The following FBXL7 variants were observed in gnomAD, a reference collection of about 807,000 sequenced individuals.
The protein encoded by FBXL7 is F-box and leucine rich repeat protein 7.
FBXL7 carries 12 observed loss-of-function variants against 38.3 expected under a neutral mutation model. The observed-to-expected ratio is 0.31, with a 90% CI of 0.20 to 0.51. The LOEUF (loss-of-function observed/expected upper bound fraction) is 0.51. FBXL7 is among the 20% of genes least tolerant of loss of function. FBXL7 has a pLI of 0.98. For synonymous variants in FBXL7, 297 were observed against 300.9 expected (o/e 0.99, Z 0.13); for missense variants, 567 against 676.4 (o/e 0.84, Z 1.79).
At chr5:15,794,799 G>A (rs1737372215) in intron 2 of FBXL7, among the ~76,000 whole-genome samples, 1 of 152,126 alleles carries the variant, frequency 6.6e-6, no homozygotes, top group South Asian at 2.1e-4. Context: ...CAACAAAAAA[G>A]CTATTGTTTG....
intron 2 of FBXL7, among the ~76,000 whole-genome samples, chr5:15,745,309 C>A (rs1561109515): frequency 6.6e-6 from 1 of 152,052 alleles, no homozygotes; most frequent in African/African-American, 2.4e-5. Context: ...TATTTTTACT[C>A]TTTGTATTCA....
intron 2 of FBXL7, among the ~76,000 whole-genome samples, chr5:15,735,121 C>T (rs994238240): frequency 6.6e-6 from 1 of 152,160 alleles, no homozygotes; most frequent in Non-Finnish European, 1.5e-5. Flanking sequence ...TTAGTAGAAA[C>T]AGAGTTTCAC....
chr5:15,851,066 C>T (rs944672017), intron 2 of FBXL7, among the ~76,000 whole-genome samples: 1 of 152,180 alleles, frequency 6.6e-6, no homozygotes, highest in African/African-American at 2.4e-5. Context: ...GAGATGCAGC[C>T]TTTCTTGATA....
At chr5:15,758,656 G>C (rs1269588132) in intron 2 of FBXL7, among the ~76,000 whole-genome samples, 1 of 152,092 alleles carries the variant, frequency 6.6e-6, no homozygotes, top group Non-Finnish European at 1.5e-5. Flanking sequence ...GTTTTAAAAA[G>C]CCACTTACAA....
At chr5:15,730,115 T>A (rs1371511479) in intron 2 of FBXL7, among the ~76,000 whole-genome samples, 1 of 152,230 alleles carries the variant, frequency 6.6e-6, no homozygotes, top group Non-Finnish European at 1.5e-5. Flanking sequence ...ATGCCCATAT[T>A]AATAGAATTC....
intron 2 of FBXL7, among the ~76,000 whole-genome samples, chr5:15,799,488 G>A (rs962459709): frequency 2.0e-5 from 3 of 147,576 alleles, no homozygotes; most frequent in African/African-American, 7.5e-5. Flanking sequence ...TCAGCCTCCC[G>A]AGTAGCTGGG....
At chr5:15,614,602 T>C (rs556425110) in intron 1 of FBXL7, among the ~76,000 whole-genome samples, 2 of 152,226 alleles carry the variant, frequency 1.3e-5, no homozygotes, top group Non-Finnish European at 2.9e-5. Flanking sequence ...GTAAAAACAT[T>C]ACCACACACT....
chr5:15,901,065 C>T (rs1488520921), intron 2 of FBXL7, among the ~76,000 whole-genome samples: 1 of 152,194 alleles, frequency 6.6e-6, no homozygotes, highest in Non-Finnish European at 1.5e-5. Flanking sequence ...TCTAAAAATG[C>T]ATTCTTCAGT....
At chr5:15,870,641 A>C (rs1348839416) in intron 2 of FBXL7, among the ~76,000 whole-genome samples, 3 of 152,142 alleles carry the variant, frequency 2.0e-5, no homozygotes, top group African/African-American at 7.2e-5. Context: ...TCACATTTTT[A>C]TTATGTAGTT....
intron 2 of FBXL7, among the ~76,000 whole-genome samples, chr5:15,625,235 T>C (rs1360762050): frequency 6.6e-6 from 1 of 152,216 alleles, no homozygotes; most frequent in Non-Finnish European, 1.5e-5. Flanking sequence ...ACCACAACTG[T>C]ATTCTTAACA....
intron 2 of FBXL7, among the ~76,000 whole-genome samples, chr5:15,807,248 C>T (rs952919960): frequency 4.6e-5 from 7 of 152,232 alleles, no homozygotes; most frequent in East Asian, 1.9e-4. Flanking sequence ...GGCCTGATTG[C>T]GTTTCTAAAC....
At chr5:15,592,062 C>T (rs1215859442) in intron 1 of FBXL7, among the ~76,000 whole-genome samples, 1 of 152,104 alleles carries the variant, frequency 6.6e-6, no homozygotes, top group Non-Finnish European at 1.5e-5. Flanking sequence ...CACTCTAAAT[C>T]CCACTACACT....
chr5:15,913,399 AT>A (rs1741495780), intron 2 of FBXL7, among the ~76,000 whole-genome samples: 1 of 152,214 alleles, frequency 6.6e-6, no homozygotes, highest in South Asian at 2.1e-4. Context: ...GACTAAGGAA[AT>A]GCAAGGATTC....
intron 2 of FBXL7, among the ~76,000 whole-genome samples, chr5:15,659,313 C>A (rs955408138): frequency 6.6e-6 from 1 of 151,776 alleles, no homozygotes; most frequent in South Asian, 2.1e-4. Flanking sequence ...AGCTACATAA[C>A]CTCCCAGATA....
At chr5:15,556,102 T>TCTAC (rs1312879684) in intron 1 of FBXL7, among the ~76,000 whole-genome samples, 8 of 119,354 alleles carry the variant, frequency 6.7e-5, no homozygotes. Context: ...TATCTACCTA[T>TCTAC]CTATCTATCT....
At chr5:15,797,009 C>T (rs1737432766) in intron 2 of FBXL7, among the ~76,000 whole-genome samples, 2 of 152,188 alleles carry the variant, frequency 1.3e-5, no homozygotes, top group African/African-American at 4.8e-5. Flanking sequence ...CCATAATTCT[C>T]ATAAACCAGT....
intron 2 of FBXL7, among the ~76,000 whole-genome samples, chr5:15,844,411 C>T (rs1280663729): frequency 6.6e-6 from 1 of 152,184 alleles, no homozygotes; most frequent in East Asian, 1.9e-4. Context: ...TATTCTGAAG[C>T]CTGTCCTGTT....
intron 2 of FBXL7, among the ~76,000 whole-genome samples, chr5:15,906,574 G>C (rs1435870403): frequency 7.2e-6 from 1 of 139,482 alleles, no homozygotes; most frequent in Admixed American, 7.4e-5. Flanking sequence ...GTGCAGATTA[G>C]TTACATATGT....
At position 15,823,667 on chromosome 5, in the gene FBXL7, A is replaced by T. The variant is rs373851707; in HGVS notation, c.128-104223A>T. Among the ~76,000 whole-genome samples the T allele has an allele frequency of 3.9e-5, 6 of 152,222 alleles. No individual in the cohort carries two copies. In the South Asian group the frequency reaches 1.2e-3, roughly 32 times the overall value. ...AAGCTCTTTAGCTCAGTTAACCCAGACCTGCCCTCCTGTGAGTTTCATCTG... is the reference window on the plus strand; with the variant it reads ...AAGCTCTTTAGCTCAGTTAACCCAGTCCTGCCCTCCTGTGAGTTTCATCTG... On this transcript the variant is annotated intron_variant, in intron 2 of 3. Transcript: ENST00000504595.
Sources: allele counts gnomAD v4.1 joint callset (sites outside exome capture counted in the v4.1 genomes callset), GRCh38; gene constraint gnomAD v4.1.1; transcripts MANE v1.5; gene names NCBI Gene and HGNC (gene_info 2026-07-23, HGNC 2026-07-21).